The following RASSF6 variants were observed in gnomAD, a reference collection of about 807,000 sequenced individuals.
The protein encoded by RASSF6 is Ras association domain family member 6.
A neutral mutation model predicts 44.0 loss-of-function variants in RASSF6; 52 were observed. The observed-to-expected ratio is 1.18, with a 90% CI of 0.95 to 1.49. RASSF6 has a LOEUF of 1.49. RASSF6 is among the 40% of genes most tolerant of loss of function. The pLI is 0.00. For synonymous variants in RASSF6, 162 were observed against 124.6 expected (o/e 1.30, Z -2.00); for missense variants, 464 against 393.3 (o/e 1.18, Z -1.52).
chr4:73,602,841 T>C (rs1725365907), intron 2 of RASSF6, among the ~76,000 whole-genome samples: 1 of 152,028 alleles, frequency 6.6e-6, no homozygotes. Flanking sequence ...GTAATCCCAG[T>C]ACTTTGGGAG....
rs1349137225 is a variant in RASSF6 at position 73,588,788 on chromosome 4, C to CATCATCATG, written c.288-855_288-854insCATGATGAT. On this transcript the variant is annotated intron_variant, in intron 4 of 10. Coordinates refer to ENST00000307439, the MANE Select transcript of RASSF6 (RefSeq NM_177532.5). ...TAATTATCCTCATCTCCATTGTCAT[C>CATCATCATG]ATCATCATCATCATCATCATCATCA... 1.5e-4 allele frequency among the ~76,000 whole-genome samples: 22 copies of CATCATCATG among 151,044 alleles called. No individual in the cohort carries two copies. The East Asian group carries it at 4.1e-3, about 28-fold the overall frequency.
At position 73,593,500 on chromosome 4, in the gene RASSF6, A is replaced by G. The variant is rs565629425; in HGVS notation, c.238T>C (p.Phe80Leu). ...IQLKIQDEKP[F>L]SSFTSMKSSD... ...GACTTCATACTAGTAAAAGAAGAGAATGGCTTCTCATCTTGTATTTTTAGC... is the reference window on the plus strand; with the variant it reads ...GACTTCATACTAGTAAAAGAAGAGAGTGGCTTCTCATCTTGTATTTTTAGC... The change falls in exon 4 of 11, where the codon TTC becomes CTC. Residue 80 changes from phenylalanine (F) to leucine (L), a missense_variant. Physicochemically the swap from Phe to Leu is conservative, Grantham distance 22. Coordinates refer to ENST00000307439, the MANE Select transcript of RASSF6 (RefSeq NM_177532.5). The G allele has an allele frequency of 6.2e-7, 1 of 1,613,572 alleles. No individual in the cohort carries two copies. The highest frequency in any genetic ancestry group is 1.3e-5 in the African/African-American group (1 of 75,018).
At position 73,598,736 on chromosome 4, in the gene RASSF6, T is replaced by A. The variant is rs764802340; in HGVS notation, c.66-18A>T. ...GTTGTTCCCTAAAAATAAAAAAAAA[T>A]TAATTACAATCAGTCTTAGAGTTTT... On this transcript the variant is annotated intron_variant, in intron 2 of 10. Coordinates refer to ENST00000307439, the MANE Select transcript of RASSF6 (RefSeq NM_177532.5). The A allele has an allele frequency of 4.7e-6, 5 of 1,063,782 alleles. No individual in the cohort carries two copies. The African/African-American group carries it at 8.2e-5, about 17-fold the overall frequency. The allele number at this position is 1,063,782 out of a possible 1,614,324, so 65.9% of individuals were successfully genotyped here. A position where few individuals can be genotyped will look rare whatever the true frequency, so the allele number is the denominator to read the frequency against.
chr4:73,593,770 C>G (rs1724742432), intron 3 of RASSF6, among the ~76,000 whole-genome samples, 177 bp from the exon 4 acceptor site: 1 of 152,172 alleles, frequency 6.6e-6, no homozygotes, highest in South Asian at 2.1e-4. Flanking sequence ...TTGAAACATT[C>G]TTTTATTTTT....
intron 2 of RASSF6, 113 bp from the exon 3 acceptor site, chr4:73,598,831 T>C: frequency 1.9e-6 from 1 of 517,936 alleles, no homozygotes; most frequent in Non-Finnish European, 3.3e-6. Flanking sequence ...ATGGAATCTT[T>C]ACTGTTCTGT....
chr4:73,607,450 A>G (rs1264819167), intron 2 of RASSF6, among the ~76,000 whole-genome samples: 2 of 152,186 alleles, frequency 1.3e-5, no homozygotes, highest in Non-Finnish European at 2.9e-5. Context: ...GAACTTTGAT[A>G]GCTCCTTCTT....
chr4:73,595,027 A>T (rs16849727), intron 3 of RASSF6, among the ~76,000 whole-genome samples: 3 of 151,988 alleles, frequency 2.0e-5, no homozygotes, highest in South Asian at 2.1e-4. Context: ...TTGTCATCCA[A>T]GGACTGCCCC....
At chr4:73,616,940 G>T (rs1484808277) in intron 1 of RASSF6, among the ~76,000 whole-genome samples, 1 of 152,158 alleles carries the variant, frequency 6.6e-6, no homozygotes, top group Non-Finnish European at 1.5e-5. Context: ...ATGAGACAAA[G>T]CATCTATAAT....
Position 73,576,524 on chromosome 4 carries a change from AG to A in RASSF6, c.841-18del. The A allele has an allele frequency of 2.6e-6, 4 of 1,512,952 alleles. No homozygotes were observed. Among genetic ancestry groups the A allele is most frequent in the Non-Finnish European group, 2.7e-6 (3 of 1,111,986 alleles). The allele number at this position is 1,512,952 out of a possible 1,614,324, so 93.7% of individuals were successfully genotyped here. On this transcript the variant is annotated intron_variant, in intron 9 of 10. Transcript: ENST00000307439. Reference sequence around the variant, plus strand: ...CTGAGCCACCTAAGAAAGAAGAAGAAGAAAAAAAAAAGAAAGCAGAACAATT... The same window carrying A: ...CTGAGCCACCTAAGAAAGAAGAAGAAAAAAAAAAAAGAAAGCAGAACAATT...
In RASSF6 at chr4:73,571,897, T is replaced by A. The variant is rs1722939917; in HGVS notation, c.*4338A>T. On this transcript the variant is annotated 3_prime_UTR_variant, in exon 11 of 11. Coordinates refer to ENST00000307439, the MANE Select transcript of RASSF6 (RefSeq NM_177532.5). Reference sequence around the variant, plus strand: ...TCTGTGACAAGTTTATATTCTTGCATTATGCAAAAATGATTCGAAAATAAA... The same window carrying A: ...TCTGTGACAAGTTTATATTCTTGCAATATGCAAAAATGATTCGAAAATAAA... 2 of 152,194 alleles carry A rather than the reference T, an allele frequency of 1.3e-5. No individual in the cohort carries two copies. Among genetic ancestry groups the A allele is most frequent in the Non-Finnish European group, 2.9e-5 (2 of 68,032 alleles). 9.4% of individuals were successfully genotyped at this position (152,194 alleles called of 1,614,324 possible).
chr4:73,582,636 A>T (rs1196002509), intron 6 of RASSF6, among the ~76,000 whole-genome samples: 1 of 152,090 alleles, frequency 6.6e-6, no homozygotes, highest in Middle Eastern at 3.2e-3. Context: ...TTAAGTAAGG[A>T]TTTATTTCCA....
At chr4:73,592,499 A>G (rs1372498740) in intron 4 of RASSF6, among the ~76,000 whole-genome samples, 1 of 152,146 alleles carries the variant, frequency 6.6e-6, no homozygotes, top group Non-Finnish European at 1.5e-5. Flanking sequence ...GATGAAAGGA[A>G]CTTTTATACA....
chr4:73,588,439 G>A (rs1467282388), intron 4 of RASSF6, among the ~76,000 whole-genome samples: 2 of 151,990 alleles, frequency 1.3e-5, no homozygotes, highest in Non-Finnish European at 2.9e-5. Flanking sequence ...GTTTACGAAG[G>A]AGGAAAATGT....
At chr4:73,604,874 C>A (rs1381716016) in intron 2 of RASSF6, among the ~76,000 whole-genome samples, 3 of 145,864 alleles carry the variant, frequency 2.1e-5, no homozygotes, top group Non-Finnish European at 3.0e-5. Context: ...CCTTATAAAT[C>A]ATTTTCTTTC....
At chr4:73,576,985 G>A (rs919342107) in intron 8 of RASSF6, among the ~76,000 whole-genome samples, 6 of 152,074 alleles carry the variant, frequency 3.9e-5, no homozygotes, top group African/African-American at 7.2e-5. Flanking sequence ...ACAAATCTCC[G>A]GTCTGATAGG....
chr4:73,607,751 T>C (rs1365131606), intron 2 of RASSF6, among the ~76,000 whole-genome samples: 1 of 149,080 alleles, frequency 6.7e-6, no homozygotes, highest in Non-Finnish European at 1.5e-5. Flanking sequence ...CAGGTGGTTC[T>C]GCTAAAGGCT....
chr4:73,609,277 T>C (rs992534992), intron 2 of RASSF6, among the ~76,000 whole-genome samples: 6 of 152,194 alleles, frequency 3.9e-5, no homozygotes, highest in Non-Finnish European at 7.4e-5. Flanking sequence ...AAAGTGAAAA[T>C]ACTTTGAAAG....
chr4:73,618,221 T>C lies in RASSF6; in HGVS notation c.-35+2067A>G, dbSNP rs1009224855. ...ATTGACCACAACATTTAATAGTTTA[T>C]AATAAAATGTTATACACGTGAGAAA... On this transcript the variant is annotated intron_variant, in intron 1 of 10. Coordinates refer to ENST00000307439, the MANE Select transcript of RASSF6 (RefSeq NM_177532.5). Among the ~76,000 whole-genome samples the C allele has an allele frequency of 2.0e-5, 3 of 151,770 alleles. No individual in the cohort carries two copies. In the South Asian group the frequency reaches 6.2e-4, roughly 32 times the overall value.
chr4:73,609,967 G>T (rs968987654), intron 2 of RASSF6, among the ~76,000 whole-genome samples: 1 of 152,020 alleles, frequency 6.6e-6, no homozygotes, highest in Non-Finnish European at 1.5e-5. Context: ...TGAAGCCAAG[G>T]GTCTATACTG....
Sources: gnomAD v4.1 joint callset for allele counts (sites outside exome capture counted in the v4.1 genomes callset) on GRCh38, gnomAD v4.1.1 for gene constraint, MANE v1.5 for transcripts, NCBI Gene and HGNC (gene_info 2026-07-23, HGNC 2026-07-21) for gene names.